The following ULK4 variants were observed in gnomAD, a reference collection of about 807,000 sequenced individuals.
ULK4 encodes the protein inactive serine/threonine-protein kinase ULK4.
In ULK4, 133 loss-of-function variants were observed where a neutral mutation model predicts 160.6. The ratio of observed to expected loss-of-function variants is 0.83; its 90% CI spans 0.72 to 0.96. The LOEUF (loss-of-function observed/expected upper bound fraction) is 0.96. ULK4 is among the 40% of genes least tolerant of loss of function. ULK4 has a pLI of 0.00. For missense variants in ULK4, 1,580 were observed against 1,499.5 expected, an observed-to-expected ratio of 1.05 and a Z score of -0.89; for synonymous variants, 534 against 539.8, an observed-to-expected ratio of 0.99 and a Z score of 0.15.
intron 35 of ULK4, among the ~76,000 whole-genome samples, chr3:41,267,038 C>CT (rs57502036): frequency 0.022 from 2,196 of 100,310 alleles, 27 homozygotes; most frequent in East Asian, 0.065. Flanking sequence ...GGGTTTAAGG[C>CT]TTTTTTTTTT....
chr3:41,670,071 G>A (rs1481614314), intron 29 of ULK4, among the ~76,000 whole-genome samples: 2 of 152,180 alleles, frequency 1.3e-5, no homozygotes, highest in East Asian at 1.9e-4. Flanking sequence ...GCAAGGGAAG[G>A]ATTTGAGGAA....
chr3:41,263,909 G>A (rs1180797648), intron 35 of ULK4, among the ~76,000 whole-genome samples: 1 of 152,170 alleles, frequency 6.6e-6, no homozygotes, highest in Admixed American at 6.5e-5. Flanking sequence ...AAATAGCAGG[G>A]GGTGCCGGGT....
intron 19 of ULK4, among the ~76,000 whole-genome samples, chr3:41,807,582 C>T (rs867298171): frequency 2.6e-5 from 4 of 152,046 alleles, no homozygotes; most frequent in African/African-American, 2.4e-5. Context: ...AAAACACAAG[C>T]GGTTTGAGAA....
In ULK4 at chr3:41,602,251, A is replaced by AAGGAAAGG. The variant is rs1559425415; in HGVS notation, c.3120+13417_3120+13418insCCTTTCCT. On this transcript the variant is annotated intron_variant, in intron 31 of 36. Transcript: ENST00000301831. ...AAGGAAAGGAAAGGGAAGGAAGAGA[A>AAGGAAAGG]AAAGGAAAGGAAAGGAAAGGAAAGG... Among the ~76,000 whole-genome samples the AAGGAAAGG allele has an allele frequency of 1.4e-3, 122 of 86,724 alleles. 1 individual carries two copies. The highest frequency in any genetic ancestry group is 1.7e-3 in the Non-Finnish European group (76 of 44,142). 56.9% of individuals were successfully genotyped at this position (86,724 alleles called of 152,430 possible).
chr3:41,724,898 C>G, intron 22 of ULK4, among the ~76,000 whole-genome samples: 1 of 152,190 alleles, frequency 6.6e-6, no homozygotes, highest in Non-Finnish European at 1.5e-5. Context: ...AATTGACCAT[C>G]TGGAGATAAC....
At chr3:41,721,333 A>AATATATATATAT (rs71075483) in intron 22 of ULK4, among the ~76,000 whole-genome samples, 21 of 26,950 alleles carry the variant, frequency 7.8e-4, no homozygotes, top group Admixed American at 7.5e-4. Context: ...TTTTAATGTA[A>AATATATATATAT]ATATATATAT....
intron 32 of ULK4, among the ~76,000 whole-genome samples, chr3:41,487,507 C>T (rs976267091): frequency 6.6e-6 from 1 of 152,040 alleles, no homozygotes; most frequent in Admixed American, 6.5e-5. Flanking sequence ...AAGAGCTATA[C>T]CAATGGGACA....
chr3:41,648,163 C>A (rs1038933099), intron 30 of ULK4, among the ~76,000 whole-genome samples: 4 of 152,198 alleles, frequency 2.6e-5, no homozygotes, highest in African/African-American at 9.7e-5. Context: ...TGAGGCAATG[C>A]CTTGCCCTGC....
chr3:41,398,334 A>T, intron 34 of ULK4, 70 bp from the exon 35 acceptor site: 1 of 1,544,536 alleles, frequency 6.5e-7, no homozygotes, highest in Non-Finnish European at 8.8e-7. Flanking sequence ...AAAACACAGT[A>T]AAATTTGGCT....
intron 32 of ULK4, among the ~76,000 whole-genome samples, chr3:41,538,923 T>C (rs2086602229): frequency 6.6e-6 from 1 of 151,960 alleles, no homozygotes; most frequent in East Asian, 1.9e-4. Context: ...TTTTTATATA[T>C]TTTATTTAAG....
chr3:41,961,890 CAGA>C (rs530006167), intron 1 of ULK4, 123 bp downstream of exon 1: 67 of 152,966 alleles, frequency 4.4e-4, no homozygotes, highest in African/African-American at 1.6e-3. Flanking sequence ...GGTCCACTGG[CAGA>C]AGGAGAGAGG....
chr3:41,949,082 A>G (rs6599191), intron 2 of ULK4, among the ~76,000 whole-genome samples: 146,092 of 151,950 alleles, frequency 0.96, 70,511 homozygotes, highest in East Asian at 1. Flanking sequence ...CAAGGTGGGC[A>G]AATCACCTGA....
intron 29 of ULK4, among the ~76,000 whole-genome samples, chr3:41,668,964 T>C (rs2035441299): frequency 6.6e-6 from 1 of 152,112 alleles, no homozygotes; most frequent in African/African-American, 2.4e-5. Flanking sequence ...TTGCAGAATG[T>C]GGGTAAAACA....
At position 41,398,200 on chromosome 3, in the gene ULK4, A is replaced by G; in HGVS notation, c.3557T>C (p.Leu1186Pro). Residue 1186 changes from leucine (L) to proline (P), a missense_variant, in exon 35 of 37, where the codon CTG becomes CCG. Physicochemically the swap from Leu to Pro is moderately conservative, Grantham distance 98 (BLOSUM62 -3). Coordinates refer to ENST00000301831, the MANE Select transcript of ULK4 (RefSeq NM_017886.4). ...GCTGTCCGGGTTTTCCCCTCCATAC[A>G]GCTGAACCAGTATAGACAGGCACTT... ...SSKCLSILVQ[L>P]YGGENPDSLS... 1 of 1,613,486 alleles carries G rather than the reference A, an allele frequency of 6.2e-7. No homozygotes were observed.
At chr3:41,939,119 C>A (rs1396440533) in intron 2 of ULK4, among the ~76,000 whole-genome samples, 1 of 150,652 alleles carries the variant, frequency 6.6e-6, no homozygotes, top group Non-Finnish European at 1.5e-5. Flanking sequence ...AGAACAAACT[C>A]AAAAACTAGA....
chr3:41,510,252 A>G (rs879379249), intron 32 of ULK4, among the ~76,000 whole-genome samples: 17 of 152,224 alleles, frequency 1.1e-4, no homozygotes, highest in African/African-American at 3.1e-4. Context: ...TTACATAATG[A>G]TAAGAGGACT....
chr3:41,739,882 C>T (rs562645621), intron 22 of ULK4, among the ~76,000 whole-genome samples: 1 of 151,952 alleles, frequency 6.6e-6, no homozygotes, highest in South Asian at 2.1e-4. Flanking sequence ...ACTAATGATG[C>T]TGAATATCTA....
chr3:41,532,434 A>T (rs2132333), intron 32 of ULK4, among the ~76,000 whole-genome samples: 5,596 of 152,272 alleles, frequency 0.037, 232 homozygotes, highest in African/African-American at 0.1. Flanking sequence ...TTATTAACTA[A>T]CATCTAGCAT....
At position 41,706,818 on chromosome 3, in the gene ULK4, A is replaced by G. The variant is rs1306509236; in HGVS notation, c.2635-1513T>C. Reference sequence around the variant, plus strand: ...AGTCCAGCCTGGCCGACAGAGCGAGACTCTGTCTCAAAAAAAAAAAAAAAA... The same window carrying G: ...AGTCCAGCCTGGCCGACAGAGCGAGGCTCTGTCTCAAAAAAAAAAAAAAAA... On this transcript the variant is annotated intron_variant, in intron 25 of 36. Coordinates refer to ENST00000301831, the MANE Select transcript of ULK4 (RefSeq NM_017886.4). Among the ~76,000 whole-genome samples the G allele has an allele frequency of 2.5e-4, 31 of 125,284 alleles. 1 individual carries two copies. The highest frequency in any genetic ancestry group is 3.6e-5 in the African/African-American group (1 of 27,898). 82.2% of individuals were successfully genotyped at this position (125,284 alleles called of 152,430 possible).
Sources: allele counts gnomAD v4.1 joint callset (sites outside exome capture counted in the v4.1 genomes callset), GRCh38; gene constraint gnomAD v4.1.1; transcripts MANE v1.5; gene names NCBI Gene and HGNC (gene_info 2026-07-23, HGNC 2026-07-21).